The following HIVEP2 variants were observed in gnomAD, a reference collection of about 807,000 sequenced individuals.
HIVEP2 encodes transcription factor HIVEP2.
Under a neutral mutation model 180.7 loss-of-function variants are expected in HIVEP2, and 14 were observed. That is an observed-to-expected ratio of 0.08 (90% confidence interval 0.05 to 0.12). HIVEP2 has a LOEUF of 0.12. Among genes scored for constraint, HIVEP2 ranks in the 10% least tolerant of loss-of-function variants. The pLI, the probability that HIVEP2 is intolerant of heterozygous loss-of-function variation, is 1.00. For synonymous variants in HIVEP2, 1,184 were observed against 1,136.4 expected (o/e 1.04, Z -0.84); for missense variants, 2,579 against 3,008.5 (o/e 0.86, Z 3.34).
chr6:142,772,604 A>C lies in HIVEP2; in HGVS notation c.2135T>G (p.Ile712Ser). Residue 712 changes from isoleucine (I) to serine (S), a missense_variant, in exon 5 of 10, where the codon ATC becomes AGC. Around this residue, in one of 11 missense-constraint regions of HIVEP2, gnomAD observed 524 missense variants for 563.6 expected, o/e 0.93. Coordinates refer to ENST00000367603, the MANE Select transcript of HIVEP2 (RefSeq NM_006734.4). The surrounding 1 kb of genome is among the most constrained non-coding windows in gnomAD (Gnocchi z 4.9). ...AGGAGTGCTTACAATGCTGCTGCAGATCATGGGCGTGTCCTCTTCATCCCC... is the reference window on the plus strand; with the variant it reads ...AGGAGTGCTTACAATGCTGCTGCAGCTCATGGGCGTGTCCTCTTCATCCCC... ...SVGDEEDTPM[I>S]CSSIVSTPVG... The C allele has an allele frequency of 1.2e-6, 2 of 1,614,196 alleles. No homozygotes were observed. Among genetic ancestry groups the C allele is most frequent in the South Asian group, 2.2e-5 (2 of 91,086 alleles).
intron 1 of HIVEP2, among the ~76,000 whole-genome samples, chr6:142,934,739 C>G (rs184755128): frequency 1.6e-4 from 24 of 152,294 alleles, no homozygotes; most frequent in Admixed American, 2.0e-4. Flanking sequence ...CAAGACCATC[C>G]CAAGGGACAT....
At chr6:142,895,500 A>AT (rs910427366) in intron 1 of HIVEP2, among the ~76,000 whole-genome samples, 4 of 151,994 alleles carry the variant, frequency 2.6e-5, no homozygotes, top group African/African-American at 9.7e-5. Context: ...CCAAATCTAC[A>AT]TTTTTTCAGC....
At chr6:142,776,384 C>G (rs1204977344) in intron 3 of HIVEP2, among the ~76,000 whole-genome samples, 193 bp from the exon 4 acceptor site, 2 of 152,064 alleles carry the variant, frequency 1.3e-5, no homozygotes, top group East Asian at 3.8e-4. Flanking sequence ...CACTGTGACT[C>G]AAAAATAACT....
At chr6:142,765,549 T>G (rs1192611627) in intron 6 of HIVEP2, among the ~76,000 whole-genome samples, 2 of 152,202 alleles carry the variant, frequency 1.3e-5, no homozygotes, top group African/African-American at 4.8e-5. Flanking sequence ...TCACCAACTG[T>G]TGTCTACAGA....
intron 1 of HIVEP2, among the ~76,000 whole-genome samples, chr6:142,930,609 C>A (rs1375190171): frequency 6.6e-6 from 1 of 152,136 alleles, no homozygotes; most frequent in East Asian, 1.9e-4. Flanking sequence ...CACCTCGTAC[C>A]TTTCGGGCTG....
chr6:142,918,058 C>G (rs975657619), intron 1 of HIVEP2, among the ~76,000 whole-genome samples: 8 of 152,118 alleles, frequency 5.3e-5, no homozygotes, highest in Admixed American at 3.3e-4. Flanking sequence ...TAGACGTGAG[C>G]CATCATGCCC....
chr6:142,825,152 C>A (rs1169418178), intron 2 of HIVEP2, among the ~76,000 whole-genome samples: 1 of 152,194 alleles, frequency 6.6e-6, no homozygotes, highest in East Asian at 1.9e-4. Context: ...ATTTCCTAGA[C>A]ATCTGGATTA....
At chr6:142,868,406 C>T (rs1776198813) in intron 1 of HIVEP2, among the ~76,000 whole-genome samples, 1 of 152,274 alleles carries the variant, frequency 6.6e-6, no homozygotes, top group Middle Eastern at 3.4e-3. Flanking sequence ...ACTTAAATCT[C>T]GGGCCAAGTG....
At chr6:142,917,096 C>A (rs1273119129) in intron 1 of HIVEP2, among the ~76,000 whole-genome samples, 1 of 152,158 alleles carries the variant, frequency 6.6e-6, no homozygotes, top group East Asian at 1.9e-4. Context: ...CAATTATTAA[C>A]TTATGTCACT....
intron 1 of HIVEP2, among the ~76,000 whole-genome samples, chr6:142,919,001 A>T (rs1777628491): frequency 1.3e-5 from 2 of 152,206 alleles, no homozygotes; most frequent in Admixed American, 1.3e-4. Flanking sequence ...TTTTATTCTT[A>T]AAATACATTC....
Position 142,818,707 on chromosome 6 carries a change from G to GAAAGAAAGA in HIVEP2, c.-528+18219_-528+18227dup, listed in dbSNP as rs1310824587. 6.0e-3 allele frequency among the ~76,000 whole-genome samples: 312 copies of GAAAGAAAGA among 52,088 alleles called. 4 individuals are homozygous for GAAAGAAAGA. The highest frequency in any genetic ancestry group is 0.011 in the Admixed American group (41 of 3,662). 34.2% of individuals were successfully genotyped at this position (52,088 alleles called of 152,430 possible). On this transcript the variant is annotated intron_variant, in intron 2 of 9. Transcript: ENST00000367603. The stretch of plus-strand genomic sequence containing the variant: ...GAGAGAGAGACAAGAAAGAAAGAAA[G>GAAAGAAAGA]AAAGAAAGAAAGAAAAGAAAGAAAG...
rs191751944 is a variant in HIVEP2, at chr6:142,817,531, C to T, written c.-528+19404G>A. On this transcript the variant is annotated intron_variant, in intron 2 of 9. Transcript: ENST00000367603. ...TATGTACTATGCTGGACACAACTTG[C>T]ATGGAGATAAATATAACATTACTAA... Among the ~76,000 whole-genome samples, 3 of 152,252 alleles carry T rather than the reference C, an allele frequency of 2.0e-5. No homozygotes were observed. In the East Asian group the frequency reaches 5.8e-4, roughly 29 times the overall value.
At chr6:142,830,344 G>T (rs1428924202) in intron 2 of HIVEP2, among the ~76,000 whole-genome samples, 1 of 152,148 alleles carries the variant, frequency 6.6e-6, no homozygotes, top group Non-Finnish European at 1.5e-5. Flanking sequence ...TGCTATTTCA[G>T]CAAGTCGTGA....
At position 142,940,121 on chromosome 6, in the gene HIVEP2, A is replaced by G. The variant is rs142359694; in HGVS notation, c.-641+4978T>C. Among the ~76,000 whole-genome samples, 347 of 152,332 alleles carry G rather than the reference A, an allele frequency of 2.3e-3. 1 individual carries two copies. The highest frequency in any genetic ancestry group is 6.4e-3 in the African/African-American group (267 of 41,578). On this transcript the variant is annotated intron_variant, in intron 1 of 9. Transcript: ENST00000367603. ...TTGCTAGTTGTTTGAAAATATATAG[A>G]TCTAGCTCATGCAGGGCTCCAAAGA...
rs558188645 is a variant in HIVEP2 at position 142,822,922 on chromosome 6, T to G, written c.-528+14013A>C. 4.6e-5 allele frequency among the ~76,000 whole-genome samples: 7 copies of G among 152,200 alleles called. No homozygotes were observed. In the South Asian group the frequency reaches 1.5e-3, roughly 32 times the overall value. On this transcript the variant is annotated intron_variant, in intron 2 of 9. Transcript: ENST00000367603. ...CAGGCAAATACATAAGAAGTGACAT[T>G]AACACCAATTAACCACAGCTCCTGT...
intron 6 of HIVEP2, among the ~76,000 whole-genome samples, chr6:142,768,091 T>A (rs1250907009): frequency 6.6e-6 from 1 of 152,222 alleles, no homozygotes; most frequent in Non-Finnish European, 1.5e-5. Flanking sequence ...CAAACTTAGA[T>A]GACATCAAGT....
At chr6:142,849,004 C>T (rs759854446) in intron 1 of HIVEP2, among the ~76,000 whole-genome samples, 1 of 152,186 alleles carries the variant, frequency 6.6e-6, no homozygotes, top group African/African-American at 2.4e-5. Flanking sequence ...ACCACTTATA[C>T]ACTTTTCTAC....
chr6:142,837,106 C>T (rs945039641), intron 1 of HIVEP2, 59 bp from the exon 2 acceptor site: 9 of 152,082 alleles, frequency 5.9e-5, no homozygotes, highest in African/African-American at 1.9e-4. Context: ...AGGAGCTATA[C>T]ATTAATAACA....
At chr6:142,815,401 G>A (rs1776807832) in intron 2 of HIVEP2, among the ~76,000 whole-genome samples, 1 of 152,126 alleles carries the variant, frequency 6.6e-6, no homozygotes, top group Admixed American at 6.6e-5. Context: ...TTTCAAGGAG[G>A]AGAAAGTTCA....
Sources: allele counts gnomAD v4.1 joint callset (sites outside exome capture counted in the v4.1 genomes callset), GRCh38; gene constraint gnomAD v4.1.1; regional missense constraint gnomAD v4.1.1; non-coding constraint Gnocchi (gnomAD v3.1); transcripts MANE v1.5; gene names NCBI Gene and HGNC (gene_info 2026-07-23, HGNC 2026-07-21).